The following VSTM2B variants were observed in gnomAD, a reference collection of about 807,000 sequenced individuals.
VSTM2B encodes V-set and transmembrane domain containing 2B, also known as V-set and transmembrane domain-containing protein 2B.
Under a neutral mutation model 24.0 loss-of-function variants are expected in VSTM2B, and 24 were observed. The observed-to-expected ratio is 1.00, with a 90% CI of 0.72 to 1.40. The LOEUF (loss-of-function observed/expected upper bound fraction) is 1.40, where lower values mean the gene tolerates loss of function less well. VSTM2B is among the 40% of genes most tolerant of loss of function. The pLI, the probability that VSTM2B is intolerant of heterozygous loss-of-function variation, is 0.00. For missense variants in VSTM2B, 399 were observed against 416.4 expected (o/e 0.96, Z 0.36); for synonymous variants, 226 against 194.4 (o/e 1.16, Z -1.35).
chr19:29,552,399 C>G (rs187300112), intron 4 of VSTM2B, among the ~76,000 whole-genome samples: 1 of 152,196 alleles, frequency 6.6e-6, no homozygotes, highest in Non-Finnish European at 1.5e-5. Context: ...CTGGTACTGA[C>G]GTCGTTGGCA....
chr19:29,542,360 TAAGAA>T, intron 4 of VSTM2B, among the ~76,000 whole-genome samples: 1 of 148,464 alleles, frequency 6.7e-6, no homozygotes, highest in African/African-American at 2.5e-5. Flanking sequence ...AATGGGTGGG[TAAGAA>T]GAAGGGTGAA....
chr19:29,528,872 T>G (rs1158537221), intron 3 of VSTM2B: 1 of 976,926 alleles, frequency 1.0e-6, no homozygotes, highest in African/African-American at 1.8e-5. Context: ...CCTGAGCATC[T>G]GCTCTGCGCC....
chr19:29,562,519 C>T (rs1970554291), intron 4 of VSTM2B, among the ~76,000 whole-genome samples: 1 of 152,172 alleles, frequency 6.6e-6, no homozygotes, highest in Non-Finnish European at 1.5e-5. Flanking sequence ...GGCTGCAGCC[C>T]AGCTGGTGGG....
intron 4 of VSTM2B, among the ~76,000 whole-genome samples, chr19:29,552,967 T>C (rs778590179): frequency 9.2e-5 from 14 of 152,276 alleles, no homozygotes; most frequent in Non-Finnish European, 1.8e-4. Context: ...CTGATCTCCC[T>C]GGGACTGAGC....
At chr19:29,550,962 T>C (rs1970269793) in intron 4 of VSTM2B, among the ~76,000 whole-genome samples, 1 of 152,068 alleles carries the variant, frequency 6.6e-6, no homozygotes, top group Non-Finnish European at 1.5e-5. Context: ...GGGCTGCAGC[T>C]CTCTTCTAAG....
At chr19:29,551,050 T>C (rs1052218392) in intron 4 of VSTM2B, among the ~76,000 whole-genome samples, 10 of 152,190 alleles carry the variant, frequency 6.6e-5, no homozygotes, top group Admixed American at 2.6e-4. Context: ...CCATCCATAC[T>C]TCTAGAAACA....
intron 4 of VSTM2B, among the ~76,000 whole-genome samples, chr19:29,535,382 A>C (rs1969862363): frequency 6.6e-6 from 1 of 152,190 alleles, no homozygotes. Flanking sequence ...TCCCCTCTGC[A>C]GGGACGTTGG....
chr19:29,530,333 A>T, intron 4 of VSTM2B, 43 bp downstream of exon 4: 2 of 1,435,024 alleles, frequency 1.4e-6, no homozygotes, highest in Non-Finnish European at 1.8e-6. Flanking sequence ...GGGATGGCGC[A>T]GGGCTAGGGC....
At position 29,527,371 on chromosome 19, in the gene VSTM2B, C is replaced by G; in HGVS notation, c.243C>G (p.Leu81=). ...GGGAGCTGCTGCACGAGCTGGCGCT[C>G]AGCGTGCCGGGCGCCCGGAGCAAGG... ...PPRELLHELA[L]SVPGARSKVT... is the part of the protein sequence containing the mutation. Residue 81 remains leucine, a synonymous_variant, in exon 2 of 5, where the codon CTC becomes CTG. Coordinates refer to ENST00000335523, the MANE Select transcript of VSTM2B (RefSeq NM_001146339.2). The G allele has an allele frequency of 6.5e-7, 1 of 1,542,014 alleles. No homozygotes were observed. The highest frequency in any genetic ancestry group is 8.7e-7 in the Non-Finnish European group (1 of 1,144,416).
intron 4 of VSTM2B, among the ~76,000 whole-genome samples, chr19:29,539,977 C>A (rs78056266): frequency 0.022 from 3,337 of 152,374 alleles, 127 homozygotes; most frequent in African/African-American, 0.076. Context: ...TCTGCTGACC[C>A]TGGCCTGCTG....
At chr19:29,557,543 C>CA in intron 4 of VSTM2B, among the ~76,000 whole-genome samples, 1 of 151,952 alleles carries the variant, frequency 6.6e-6, no homozygotes, top group Non-Finnish European at 1.5e-5. Context: ...ACTGAAAATA[C>CA]AAAAAATTAG....
intron 4 of VSTM2B, among the ~76,000 whole-genome samples, chr19:29,533,041 G>T (rs1969797428): frequency 6.6e-6 from 1 of 152,220 alleles, no homozygotes; most frequent in Admixed American, 6.5e-5. Flanking sequence ...CTGATCTCCA[G>T]TCTCGGTGCT....
intron 1 of VSTM2B, 189 bp from the exon 2 acceptor site, chr19:29,527,022 G>A: frequency 1.8e-6 from 1 of 556,710 alleles, no homozygotes; most frequent in South Asian, 2.6e-5. Flanking sequence ...GGCAGCCGAT[G>A]GCCGGTCCCT....
At chr19:29,560,175 C>A (rs192854715) in intron 4 of VSTM2B, among the ~76,000 whole-genome samples, 1 of 152,074 alleles carries the variant, frequency 6.6e-6, no homozygotes, top group African/African-American at 2.4e-5. Context: ...GATAATGTTC[C>A]GCCAGCAAAA....
Position 29,528,482 on chromosome 19 carries a change from C to G in VSTM2B, c.297+20C>G. 1 of 1,550,654 alleles carries G rather than the reference C, an allele frequency of 6.4e-7. No homozygotes were observed. Among genetic ancestry groups the G allele is most frequent in the Non-Finnish European group, 8.7e-7 (1 of 1,146,900 alleles). ...ATCAGCGTAAGTGTGGAGCCCAGCG[C>G]GGGCCGCGGGAGACCCCTTCTGGCC... On this transcript the variant is annotated intron_variant, in intron 3 of 4. Transcript: ENST00000335523.
At position 29,530,428 on chromosome 19, in the gene VSTM2B, C is replaced by T. The variant is rs576060724; in HGVS notation, c.769+138C>T. The T allele has an allele frequency of 1.1e-5, 8 of 718,384 alleles. No homozygotes were observed. The South Asian group carries it at 1.7e-4, about 16-fold the overall frequency. The allele number at this position is 718,384 out of a possible 1,614,324, so 44.5% of individuals were successfully genotyped here. On this transcript the variant is annotated intron_variant, in intron 4 of 4. Transcript: ENST00000335523. ...TATGCATACTCCTTCCTAGTTAGGT[C>T]GGGAGCGCCCCCCCCAGGGCCTTCT... is the stretch of plus-strand genomic sequence containing the variant.
At chr19:29,528,795 C>T in intron 3 of VSTM2B, 2 of 634,686 alleles carry the variant, frequency 3.2e-6, no homozygotes, top group Non-Finnish European at 3.9e-6. Context: ...CCTCCTAGCA[C>T]CGGGAGCGCG....
chr19:29,553,036 G>C (rs1002350738), intron 4 of VSTM2B, among the ~76,000 whole-genome samples: 2 of 152,158 alleles, frequency 1.3e-5, no homozygotes, highest in African/African-American at 4.8e-5. Flanking sequence ...CTTTTCCCCT[G>C]CTGGCTCTGA....
In VSTM2B at chr19:29,526,746, A is replaced by C; in HGVS notation, c.82+81A>C. 7.7e-7 allele frequency: 1 copy of C among 1,306,776 alleles called. No homozygotes were observed. 80.9% of individuals were successfully genotyped at this position (1,306,776 alleles called of 1,614,324 possible). A position where few individuals can be genotyped will look rare whatever the true frequency, so the allele number is the denominator to read the frequency against. On this transcript the variant is annotated intron_variant, in intron 1 of 4. Coordinates refer to ENST00000335523, the MANE Select transcript of VSTM2B (RefSeq NM_001146339.2). This position sits in a 1 kb window ranked among gnomAD's most constrained non-coding sequence, Gnocchi z 4.1. ...GCCACCGAGAAGAAGAAGAAAGAGA[A>C]CGAACCGGGAAGCTTCGCGGTCTCC...
Sources: allele counts gnomAD v4.1 joint callset (sites outside exome capture counted in the v4.1 genomes callset), GRCh38; gene constraint gnomAD v4.1.1; non-coding constraint Gnocchi (gnomAD v3.1); transcripts MANE v1.5; gene names NCBI Gene and HGNC (gene_info 2026-07-23, HGNC 2026-07-21).